The following MDC1 variants were observed in gnomAD, a reference collection of about 807,000 sequenced individuals.
MDC1 encodes mediator of DNA damage checkpoint protein 1.
A neutral mutation model predicts 142.5 loss-of-function variants in MDC1; 81 were observed. The observed-to-expected ratio is 0.57, with a 90% CI of 0.47 to 0.68. The LOEUF is 0.68. Ranked by LOEUF, MDC1 falls within the 30% of genes least tolerant of loss-of-function variation. MDC1 has a pLI of 0.00. For missense variants in MDC1, 2,119 were observed against 2,547.9 expected, an observed-to-expected ratio of 0.83 and a Z score of 3.62; for synonymous variants, 797 against 968.4, an observed-to-expected ratio of 0.82 and a Z score of 3.29.
chr6:30,704,825 G>T lies in MDC1; in HGVS notation c.4358C>A (p.Pro1453His). Residue 1453 changes from proline (P) to histidine (H), a missense_variant, in exon 10 of 15, where the codon CCT becomes CAT. Coordinates refer to ENST00000376406, the MANE Select transcript of MDC1 (RefSeq NM_014641.3). ...TGTGGAGGTGGAAGGCTGGAGCTCA[G>T]GGGCTGTGGGGACAACTGTTTCAGG... ...KTPETVVPTA[P>H]ELQPSTSTDQ... The T allele has an allele frequency of 6.2e-7, 1 of 1,610,902 alleles. No individual in the cohort carries two copies. Among genetic ancestry groups the T allele is most frequent in the South Asian group, 1.1e-5 (1 of 90,914 alleles).
chr6:30,702,467 T>A, intron 14 of MDC1, 86 bp downstream of exon 14: 1 of 1,070,778 alleles, frequency 9.3e-7, no homozygotes, highest in Non-Finnish European at 1.3e-6. Flanking sequence ...TGAACCTCCA[T>A]TTTTTTCCCT....
rs746789294 is a variant in MDC1 at position 30,708,331 on chromosome 6, G to A, written c.2248C>T (p.Leu750=). The A allele has an allele frequency of 1.2e-6, 2 of 1,611,642 alleles. No individual in the cohort carries two copies. The highest frequency in any genetic ancestry group is 2.2e-5 in the South Asian group (2 of 91,070). Reference sequence around the variant, plus strand: ...CTCAGACAGAATGGCTGTGTAGCCAGGACCTCCCATGGTTCATCTAGGGTA... The same window carrying A: ...CTCAGACAGAATGGCTGTGTAGCCAAGACCTCCCATGGTTCATCTAGGGTA... ...TGTLDEPWEV[L]ATQPFCLRES... Residue 750 remains leucine, a synonymous_variant, in exon 8 of 15, where the codon CTG becomes TTG. Transcript: ENST00000376406.
intron 7 of MDC1, among the ~76,000 whole-genome samples, chr6:30,711,000 T>C (rs1026232000): frequency 1.3e-5 from 2 of 152,228 alleles, no homozygotes; most frequent in African/African-American, 2.4e-5. Context: ...TGCAGCTGGT[T>C]GAATTCACGG....
At position 30,712,322 on chromosome 6, in the gene MDC1, C is replaced by T; in HGVS notation, c.1620G>A (p.Lys540=). The change falls in exon 5 of 15, where the codon AAG becomes AAA. Residue 540 remains lysine, a synonymous_variant. Transcript: ENST00000376406. This position sits in a 1 kb window ranked among gnomAD's most constrained non-coding sequence, Gnocchi z 4.7. ...PPGSAIIHIK[K]HQVSVEGTNQ... is the part of the protein sequence containing the mutation. ...TTGTCCCCTCCACAGACACCTGATG[C>T]TTCTTTATATGTATAATGGCTGACC... The T allele has an allele frequency of 6.2e-7, 1 of 1,613,100 alleles. No homozygotes were observed. Among genetic ancestry groups the T allele is most frequent in the Non-Finnish European group, 8.5e-7 (1 of 1,180,046 alleles).
At position 30,705,039 on chromosome 6, in the gene MDC1, G is replaced by C; in HGVS notation, c.4144C>G (p.Pro1382Ala). 2 of 1,612,276 alleles carry C rather than the reference G, an allele frequency of 1.2e-6. No individual in the cohort carries two copies. The highest frequency in any genetic ancestry group is 1.7e-6 in the Non-Finnish European group (2 of 1,179,448). Residue 1382 changes from proline to alanine, a missense_variant, in exon 10 of 15, where the codon CCT (proline) becomes GCT (alanine). Physicochemically the swap from Pro to Ala is conservative, Grantham distance 27. Coordinates refer to ENST00000376406, the MANE Select transcript of MDC1 (RefSeq NM_014641.3). ...ELPPSTSTEQ[P>A]VTPEPTSRAT... is the part of the protein sequence containing the mutation. ...CGAGATGTGGGCTCAGGGGTGACAG[G>C]CTGCTCTGTGGAGGTGGAAGGTGGG...
chr6:30,711,848 G>A, intron 5 of MDC1, 26 bp downstream of exon 5: 1 of 1,542,964 alleles, frequency 6.5e-7, no homozygotes, highest in South Asian at 1.3e-5. Flanking sequence ...GATTTCAGAG[G>A]TCTAGGAAGG....
chr6:30,700,337 A>G lies in MDC1; in HGVS notation c.*128T>C. 1 of 955,454 alleles carries G rather than the reference A, an allele frequency of 1.0e-6. No homozygotes were observed. Among genetic ancestry groups the G allele is most frequent in the Non-Finnish European group, 1.5e-6 (1 of 680,632 alleles). The allele number at this position is 955,454 out of a possible 1,614,324, so 59.2% of individuals were successfully genotyped here. Reference sequence around the variant, plus strand: ...CTTATCTTTTCATTTATTCATAAAGATTTCTGGTCCCACCCATGTTCCAGG... The same window carrying G: ...CTTATCTTTTCATTTATTCATAAAGGTTTCTGGTCCCACCCATGTTCCAGG... On this transcript the variant is annotated 3_prime_UTR_variant, in exon 15 of 15. Transcript: ENST00000376406.
rs1263394984 is a variant in MDC1, at chr6:30,705,384, G to C, written c.3799C>G (p.Gln1267Glu). Residue 1267 changes from glutamine (Q) to glutamate (E), a missense_variant, in exon 10 of 15, where the codon CAG (glutamine) becomes GAG (glutamate). Coordinates refer to ENST00000376406, the MANE Select transcript of MDC1 (RefSeq NM_014641.3). ...CTATTTTTTCTTCCCCTAGTAGCCT[G>C]ATATGTGGGCTCAGAAGTGACAGGC... ...DQPVTSEPTY[Q>E]ATRGRKNRSS... The C allele has an allele frequency of 6.2e-7, 1 of 1,601,304 alleles. No homozygotes were observed.
Position 30,711,647 on chromosome 6 carries a change from A to G in MDC1, c.2128+20T>C. On this transcript the variant is annotated intron_variant, in intron 6 of 14. Transcript: ENST00000376406. ...CCAGCTCCCACTGGTACAGGATTCA[A>G]ATAACACAGAAGTCCTCACCTTCCA... is the stretch of plus-strand genomic sequence containing the variant. The G allele has an allele frequency of 6.2e-7, 1 of 1,612,488 alleles. No homozygotes were observed. Among genetic ancestry groups the G allele is most frequent in the Non-Finnish European group, 8.5e-7 (1 of 1,179,652 alleles).
chr6:30,714,578 C>T (rs1021862610), intron 2 of MDC1, among the ~76,000 whole-genome samples: 2 of 150,620 alleles, frequency 1.3e-5, no homozygotes, highest in Non-Finnish European at 2.9e-5. Context: ...GTGTCATGAT[C>T]ATAGATCAGT....
chr6:30,703,117 T>G lies in MDC1; in HGVS notation c.5852A>C (p.Asp1951Ala). 6.2e-7 allele frequency: 1 copy of G among 1,612,880 alleles called. No individual in the cohort carries two copies. Among genetic ancestry groups the G allele is most frequent in the Non-Finnish European group, 8.5e-7 (1 of 1,179,898 alleles). Residue 1951 changes from aspartate to alanine, a missense_variant, in exon 12 of 15, where the codon GAC (aspartate) becomes GCC (alanine). Asp to Ala is a moderately radical substitution (Grantham distance 126). Coordinates refer to ENST00000376406, the MANE Select transcript of MDC1 (RefSeq NM_014641.3). This position sits in a 1 kb window ranked among gnomAD's most constrained non-coding sequence, Gnocchi z 4.4. The part of the protein sequence containing the change: ...LGRGIPILSL[D>A]WLHQSRKAGF... ...TTGGCCTCTCACCTGATGCAGCCAG[T>G]CCAGGGACAGAATGGGGATTCCCCG...
At chr6:30,702,685 G>A in intron 13 of MDC1, 22 bp from the exon 14 acceptor site, 1 of 1,611,812 alleles carries the variant, frequency 6.2e-7, no homozygotes, top group Non-Finnish European at 8.5e-7. Context: ...AAATGATGGA[G>A]ATGGTATTGT....
chr6:30,707,982 G>T lies in MDC1; in HGVS notation c.2597C>A (p.Ala866Asp), dbSNP rs1458578825. The T allele has an allele frequency of 6.2e-7, 1 of 1,613,010 alleles. No homozygotes were observed. ...AGATTCTTGTCTCTGGGTGTCTCTA[G>T]CTAACAACTGTTTTTGTTCTCTGTC... ...KQDREQKQLL[A>D]RDTQRQESDK... The change falls in exon 8 of 15, where the codon GCT becomes GAT. Residue 866 changes from alanine (A) to aspartate (D), a missense_variant. By Grantham distance (126) the Ala-to-Asp change is moderately radical. Coordinates refer to ENST00000376406, the MANE Select transcript of MDC1 (RefSeq NM_014641.3).
Position 30,705,951 on chromosome 6 carries a change from C to T in MDC1, c.3232G>A (p.Val1078Ile), listed in dbSNP as rs778019975. 1.6e-5 allele frequency: 26 copies of T among 1,612,986 alleles called. No individual in the cohort carries two copies. Among genetic ancestry groups the T allele is most frequent in the Admixed American group, 1.5e-4 (9 of 59,894 alleles). The change falls in exon 10 of 15, where the codon GTT (valine) becomes ATT (isoleucine). Residue 1078 changes from valine (V) to isoleucine (I), a missense_variant. Transcript: ENST00000376406. The stretch of plus-strand genomic sequence containing the variant: ...CTCCCATCTTGCCTGGTCTTACGAA[C>T]GGTTGGCTTGATAGAAGGTAAAAGG... ...SPLLPSIKPTVRKTRQDGSQE... is the reference protein window; with the variant it reads ...SPLLPSIKPTIRKTRQDGSQE...
At chr6:30,714,998 A>T (rs1775463064) in intron 2 of MDC1, 42 bp downstream of exon 2, 1 of 1,602,154 alleles carries the variant, frequency 6.2e-7, no homozygotes, top group Non-Finnish European at 8.5e-7. Flanking sequence ...CCACAAAAAT[A>T]AAAGATCTAT....
Position 30,715,472 on chromosome 6 carries a change from G to A in MDC1, c.-3-294C>T, listed in dbSNP as rs6931293. ...TCTCACCTCAGCCTCCCAAGTAGCT[G>A]AGATTACAGGCACCTGCCACCATGC... is the stretch of plus-strand genomic sequence containing the variant. On this transcript the variant is annotated intron_variant, in intron 1 of 14. Coordinates refer to ENST00000376406, the MANE Select transcript of MDC1 (RefSeq NM_014641.3). The surrounding 1 kb of genome is among the most constrained non-coding windows in gnomAD (Gnocchi z 4.1). 0.048 allele frequency among the ~76,000 whole-genome samples: 7,375 copies of A among 152,230 alleles called. 354 individuals carry two copies. The highest frequency in any genetic ancestry group is 0.12 in the African/African-American group (4,822 of 41,510).
Position 30,703,003 on chromosome 6 carries a change from C to G in MDC1, c.5865+101G>C. 1 of 1,575,920 alleles carries G rather than the reference C, an allele frequency of 6.3e-7. No individual in the cohort carries two copies. Among genetic ancestry groups the G allele is most frequent in the Non-Finnish European group, 8.6e-7 (1 of 1,158,820 alleles). On this transcript the variant is annotated intron_variant, in intron 12 of 14. Transcript: ENST00000376406. This position sits in a 1 kb window ranked among gnomAD's most constrained non-coding sequence, Gnocchi z 4.4. ...TGCAGGCTTCTGGCTCACCAATGCC[C>G]CTGTCTTCCTGTAACGCCTCTTCCC... is the stretch of plus-strand genomic sequence containing the variant.
intron 12 of MDC1, 91 bp from the exon 13 acceptor site, chr6:30,702,968 T>C: frequency 6.3e-7 from 1 of 1,595,814 alleles, no homozygotes; most frequent in African/African-American, 1.3e-5. Flanking sequence ...CAAAATGTCT[T>C]TTAAATCAAT....
chr6:30,702,579 G>A lies in MDC1; in HGVS notation c.6076C>T (p.Leu2026=). The A allele has an allele frequency of 6.2e-7, 1 of 1,606,026 alleles. No individual in the cohort carries two copies. Among genetic ancestry groups the A allele is most frequent in the Non-Finnish European group, 8.5e-7 (1 of 1,176,782 alleles). The change falls in exon 14 of 15, where the codon CTA becomes TTA. Residue 2026 remains leucine (L), a synonymous_variant. Transcript: ENST00000376406. The stretch of plus-strand genomic sequence containing the variant: ...TTATAGGACCGAGGCATGCTGGGTA[G>A]GTATGTGCCTCCACAGCAGCTAATA... The part of the protein sequence containing the change: ...EIISCCGGTY[L]PSMPRSYKPQ...
Sources: allele counts gnomAD v4.1 joint callset (sites outside exome capture counted in the v4.1 genomes callset), GRCh38; gene constraint gnomAD v4.1.1; non-coding constraint Gnocchi (gnomAD v3.1); transcripts MANE v1.5; gene names NCBI Gene and HGNC (gene_info 2026-07-23, HGNC 2026-07-21).